SEMA5A: variants seen among roughly 807,000 people sequenced by gnomAD.
SEMA5A encodes the protein semaphorin-5A.
A neutral mutation model predicts 135.5 loss-of-function variants in SEMA5A; 55 were observed. The observed-to-expected ratio is 0.41, with a 90% confidence interval of 0.33 to 0.51. The LOEUF (loss-of-function observed/expected upper bound fraction) is 0.51. Among genes scored for constraint, SEMA5A ranks in the 20% least tolerant of loss-of-function variants. The probability of loss-of-function intolerance (pLI) is 0.37; values close to 1 mark genes in which losing one functional copy is unlikely to be tolerated. For missense variants in SEMA5A, 1,290 were observed against 1,419.9 expected, an observed-to-expected ratio of 0.91 and a Z score of 1.47; for synonymous variants, 580 against 546.5, an observed-to-expected ratio of 1.06 and a Z score of -0.85.
chr5:9,534,946 C>T (rs527707560), intron 1 of SEMA5A, among the ~76,000 whole-genome samples: 2 of 152,306 alleles, frequency 1.3e-5, no homozygotes, highest in African/African-American at 4.8e-5. Context: ...GACTCTTGTC[C>T]TGACTTGTGT....
chr5:9,470,852 T>C (rs1003241571), intron 1 of SEMA5A, among the ~76,000 whole-genome samples: 4 of 152,206 alleles, frequency 2.6e-5, no homozygotes, highest in African/African-American at 9.6e-5. Context: ...TGTTTGAAGC[T>C]GCAGAGATTT....
chr5:9,174,541 C>T (rs1301208896), intron 11 of SEMA5A, among the ~76,000 whole-genome samples: 1 of 152,162 alleles, frequency 6.6e-6, no homozygotes, highest in African/African-American at 2.4e-5. Flanking sequence ...GGAGGATGCA[C>T]CCATTCCTTC....
At chr5:9,152,708 T>C (rs1353434502) in intron 12 of SEMA5A, among the ~76,000 whole-genome samples, 1 of 152,344 alleles carries the variant, frequency 6.6e-6, no homozygotes, top group East Asian at 1.9e-4. Flanking sequence ...CCTATTTGAG[T>C]CTACAGCAAT....
intron 16 of SEMA5A, among the ~76,000 whole-genome samples, chr5:9,092,462 C>G (rs144895661): frequency 9.8e-4 from 149 of 152,274 alleles, no homozygotes; most frequent in African/African-American, 3.3e-3. Flanking sequence ...CTGGAAGATC[C>G]CTGCCAAGTA....
intron 4 of SEMA5A, among the ~76,000 whole-genome samples, chr5:9,333,447 G>T (rs965967856): frequency 1.3e-5 from 2 of 152,136 alleles, no homozygotes; most frequent in Non-Finnish European, 2.9e-5. Flanking sequence ...GAGTAATTCG[G>T]GATGGAATCA....
At chr5:9,188,579 C>G (rs566280466) in intron 11 of SEMA5A, among the ~76,000 whole-genome samples, 1 of 152,214 alleles carries the variant, frequency 6.6e-6, no homozygotes, top group Admixed American at 6.5e-5. Flanking sequence ...TCCCAAGGTA[C>G]TAAGGAAGTC....
chr5:9,414,014 C>A (rs1757197320), intron 2 of SEMA5A, among the ~76,000 whole-genome samples: 1 of 151,996 alleles, frequency 6.6e-6, no homozygotes, highest in South Asian at 2.1e-4. Context: ...AACTTTTTTT[C>A]AATCTGGGAG....
intron 12 of SEMA5A, among the ~76,000 whole-genome samples, chr5:9,142,546 T>A (rs1742120449): frequency 6.6e-6 from 1 of 152,220 alleles, no homozygotes; most frequent in Non-Finnish European, 1.5e-5. Flanking sequence ...ATTACAATGA[T>A]TGTGGTAGTG....
rs971797150 is a variant in SEMA5A, at chr5:9,238,698, C to CT, written c.271-809dup. ...TTTTGCGCAAATTGAGGCACCTGGGCTTTTTTTTTTTCTCTTTTCTATCAT... is the reference window on the plus strand; with the variant it reads ...TTTTGCGCAAATTGAGGCACCTGGGCTTTTTTTTTTTTCTCTTTTCTATCAT... On this transcript the variant is annotated intron_variant, in intron 5 of 22. Coordinates refer to ENST00000382496, the MANE Select transcript of SEMA5A (RefSeq NM_003966.3). Among the ~76,000 whole-genome samples, 857 of 144,416 alleles carry CT rather than the reference C, an allele frequency of 5.9e-3. 8 individuals are homozygous for CT. The highest frequency in any genetic ancestry group is 0.018 in the African/African-American group (733 of 39,656). The allele number at this position is 144,416 out of a possible 152,430, so 94.7% of individuals were successfully genotyped here. A position where few individuals can be genotyped will look rare whatever the true frequency, so the allele number is the denominator to read the frequency against.
Position 9,039,275 on chromosome 5 carries a change from A to T in SEMA5A, c.*3622T>A, listed in dbSNP as rs148739855. 1 of 152,488 alleles carries T rather than the reference A, an allele frequency of 6.6e-6. No homozygotes were observed. The highest frequency in any genetic ancestry group is 1.9e-4 in the East Asian group (1 of 5,162). The allele number at this position is 152,488 out of a possible 1,614,324, so 9.4% of individuals were successfully genotyped here. ...ACTGTCCATAGCACTTGCTGGGGTG[A>T]CCAGGTCCTGCCTTTCACGTCACCT... On this transcript the variant is annotated 3_prime_UTR_variant, in exon 23 of 23. Coordinates refer to ENST00000382496, the MANE Select transcript of SEMA5A (RefSeq NM_003966.3).
chr5:9,503,540 G>A (rs975301126), intron 1 of SEMA5A, among the ~76,000 whole-genome samples: 5 of 152,170 alleles, frequency 3.3e-5, no homozygotes, highest in Admixed American at 6.5e-5. Context: ...TCATCCACAC[G>A]CTGGAGCCAA....
At chr5:9,542,126 A>C (rs937978054) in intron 1 of SEMA5A, among the ~76,000 whole-genome samples, 2 of 152,190 alleles carry the variant, frequency 1.3e-5, no homozygotes, top group African/African-American at 4.8e-5. Flanking sequence ...ATTCTTAAAA[A>C]ATTCATCTGA....
intron 15 of SEMA5A, among the ~76,000 whole-genome samples, chr5:9,113,388 A>C (rs899996515): frequency 6.6e-6 from 1 of 152,086 alleles, no homozygotes; most frequent in East Asian, 1.9e-4. Flanking sequence ...CTTAAAGGAC[A>C]TGGCCAGTAA....
At chr5:9,248,202 A>G (rs1409036869) in intron 5 of SEMA5A, among the ~76,000 whole-genome samples, 2 of 152,312 alleles carry the variant, frequency 1.3e-5, no homozygotes, top group East Asian at 3.9e-4. Context: ...AGAGTTGGTG[A>G]ATTTTTAATG....
intron 5 of SEMA5A, among the ~76,000 whole-genome samples, chr5:9,272,911 G>C (rs1039355051): frequency 1.4e-4 from 22 of 152,148 alleles, no homozygotes; most frequent in Non-Finnish European, 2.9e-4. Context: ...GGGGAAACCA[G>C]TGCAAAAATA....
intron 1 of SEMA5A, among the ~76,000 whole-genome samples, chr5:9,460,966 A>G (rs1759033368): frequency 6.6e-6 from 1 of 152,274 alleles, no homozygotes; most frequent in Non-Finnish European, 1.5e-5. Context: ...TCAATTTGCT[A>G]TCTTAGATTT....
intron 5 of SEMA5A, among the ~76,000 whole-genome samples, chr5:9,311,609 G>A (rs983216721): frequency 1.5e-5 from 2 of 130,692 alleles, no homozygotes; most frequent in African/African-American, 5.6e-5. Flanking sequence ...CGGGGGAGGG[G>A]GGAGGGATAA....
intron 5 of SEMA5A, among the ~76,000 whole-genome samples, chr5:9,272,479 C>T (rs1355806965): frequency 6.6e-6 from 1 of 152,120 alleles, no homozygotes; most frequent in East Asian, 1.9e-4. Flanking sequence ...CTGAAGAGAA[C>T]AGAGATCTCC....
rs748026298 is a variant in SEMA5A, at chr5:9,136,493, T to A, written c.1599+11A>T. 5.0e-6 allele frequency: 8 copies of A among 1,606,296 alleles called. No individual in the cohort carries two copies. The South Asian group carries it at 8.8e-5, about 18-fold the overall frequency. ...CAGCATTTTCAGAGGATGGAGAAGG[T>A]GGGCACTCACCGGACACGCAGAGAT... On this transcript the variant is annotated intron_variant, in intron 13 of 22. Transcript: ENST00000382496.
Sources: gnomAD v4.1 joint callset for allele counts (sites outside exome capture counted in the v4.1 genomes callset) on GRCh38, gnomAD v4.1.1 for gene constraint, MANE v1.5 for transcripts, NCBI Gene and HGNC (gene_info 2026-07-23, HGNC 2026-07-21) for gene names.